TRAF3: variants seen among roughly 807,000 people sequenced by gnomAD.
TRAF3 encodes the protein TNF receptor associated factor 3.
TRAF3 carries 13 observed loss-of-function variants against 62.3 expected under a neutral mutation model. The ratio of observed to expected loss-of-function variants is 0.21; its 90% CI spans 0.14 to 0.33. TRAF3 has a LOEUF of 0.33. TRAF3 is among the 10% of genes least tolerant of loss of function. The probability of loss-of-function intolerance (pLI) is 1.00; values close to 1 mark genes in which losing one functional copy is unlikely to be tolerated. For missense variants in TRAF3, 440 were observed against 741.8 expected (o/e 0.59, Z 4.73); for synonymous variants, 269 against 283.4 (o/e 0.95, Z 0.51).
intron 1 of TRAF3, among the ~76,000 whole-genome samples, chr14:102,824,664 A>G (rs1345765693): frequency 6.6e-6 from 1 of 152,242 alleles, no homozygotes; most frequent in Non-Finnish European, 1.5e-5. Context: ...GGATGTTTCC[A>G]TAGTTTGCAT....
At chr14:102,895,156 A>G (rs899214188) in intron 9 of TRAF3, 17 of 455,200 alleles carry the variant, frequency 3.7e-5, no homozygotes, top group Non-Finnish European at 1.3e-5. Flanking sequence ...GAGGGACACA[A>G]CTACCACGCG....
At chr14:102,796,626 A>C (rs1482156909) in intron 1 of TRAF3, among the ~76,000 whole-genome samples, 2 of 152,200 alleles carry the variant, frequency 1.3e-5, no homozygotes, top group Non-Finnish European at 2.9e-5. Context: ...TTGTGAGAGC[A>C]GGGGAAAAAC....
At chr14:102,816,827 A>G (rs1899556483) in intron 1 of TRAF3, among the ~76,000 whole-genome samples, 1 of 152,166 alleles carries the variant, frequency 6.6e-6, no homozygotes, top group Non-Finnish European at 1.5e-5. Context: ...CGCTGCCAGG[A>G]AAGAGCTCAT....
chr14:102,888,961 G>A (rs1167939389), intron 7 of TRAF3, among the ~76,000 whole-genome samples: 1 of 152,158 alleles, frequency 6.6e-6, no homozygotes, highest in African/African-American at 2.4e-5. Context: ...AATTAGAGTT[G>A]ACAGTAGTAA....
intron 4 of TRAF3, among the ~76,000 whole-genome samples, chr14:102,873,416 G>A (rs958099878): frequency 3.9e-5 from 6 of 152,236 alleles, no homozygotes; most frequent in African/African-American, 7.2e-5. Flanking sequence ...TGTGCCTAAC[G>A]TGTGAGTGAG....
rs1890579432 is a variant in TRAF3 at position 102,906,228 on chromosome 14, C to T, written c.*444C>T. Reference sequence around the variant, plus strand: ...AATAGTAATGCAATTCTGATATCTTCTTTCTAAAATTCAAGAGTGCAATTT... The same window carrying T: ...AATAGTAATGCAATTCTGATATCTTTTTTCTAAAATTCAAGAGTGCAATTT... On this transcript the variant is annotated 3_prime_UTR_variant, in exon 12 of 12. Coordinates refer to ENST00000392745, the MANE Select transcript of TRAF3 (RefSeq NM_145725.3). 6.1e-6 allele frequency: 1 copy of T among 162,646 alleles called. No individual in the cohort carries two copies. Among genetic ancestry groups the T allele is most frequent in the Admixed American group, 5.7e-5 (1 of 17,474 alleles). The allele number at this position is 162,646 out of a possible 1,614,324, so 10.1% of individuals were successfully genotyped here.
At chr14:102,891,254 C>G in intron 8 of TRAF3, 71 bp from the exon 9 acceptor site, 1 of 1,384,726 alleles carries the variant, frequency 7.2e-7, no homozygotes, top group South Asian at 1.2e-5. Context: ...CTTTTAGGGT[C>G]GTATGTTAGC....
chr14:102,867,069 T>C (rs1048024105), intron 2 of TRAF3, among the ~76,000 whole-genome samples: 4 of 152,176 alleles, frequency 2.6e-5, no homozygotes, highest in African/African-American at 9.7e-5. Context: ...GAGTGTGGTT[T>C]CATAGAAATT....
chr14:102,847,881 T>G (rs35999142), intron 2 of TRAF3, among the ~76,000 whole-genome samples: 3,812 of 152,342 alleles, frequency 0.025, 60 homozygotes, highest in Non-Finnish European at 0.037. Context: ...TTTTCATTTT[T>G]TTTCAAACCA....
chr14:102,857,516 T>C (rs878989055), intron 2 of TRAF3, among the ~76,000 whole-genome samples: 2 of 152,220 alleles, frequency 1.3e-5, no homozygotes, highest in Admixed American at 1.3e-4. Flanking sequence ...ATAAGACTTT[T>C]TGTTAAAGCC....
intron 2 of TRAF3, among the ~76,000 whole-genome samples, chr14:102,837,533 T>C (rs1169565019): frequency 6.6e-6 from 1 of 152,174 alleles, no homozygotes; most frequent in South Asian, 2.1e-4. Context: ...ACTAGCCTTA[T>C]TTGGTTCAGC....
intron 1 of TRAF3, among the ~76,000 whole-genome samples, chr14:102,811,750 TGTGTGTG>T (rs1899173932): frequency 6.7e-6 from 1 of 149,344 alleles, no homozygotes; most frequent in African/African-American, 2.5e-5. Context: ...TGTGTGTGTG[TGTGTGTG>T]TGTGTTTGTA....
At chr14:102,842,117 G>A (rs1318339272) in intron 2 of TRAF3, among the ~76,000 whole-genome samples, 1 of 151,582 alleles carries the variant, frequency 6.6e-6, no homozygotes, top group African/African-American at 2.4e-5. Flanking sequence ...TGGTGCAGGC[G>A]CCTGTAATCC....
intron 7 of TRAF3, among the ~76,000 whole-genome samples, chr14:102,888,569 T>G (rs1378670393): frequency 1.3e-5 from 2 of 152,180 alleles, no homozygotes; most frequent in African/African-American, 4.8e-5. Context: ...TCTATGAGCC[T>G]TGGGAACACA....
intron 1 of TRAF3, among the ~76,000 whole-genome samples, chr14:102,828,193 G>A (rs569828001): frequency 3.5e-4 from 54 of 152,334 alleles, no homozygotes; most frequent in African/African-American, 1.1e-3. Flanking sequence ...AAAAATCTTC[G>A]TGATTGGAAA....
At chr14:102,811,601 T>A (rs1899155007) in intron 1 of TRAF3, among the ~76,000 whole-genome samples, 1 of 131,666 alleles carries the variant, frequency 7.6e-6, no homozygotes, top group Admixed American at 8.9e-5. Flanking sequence ...TGTGCAGAGG[T>A]CAGATCTCTT....
At chr14:102,852,490 TG>T (rs1257832206) in intron 2 of TRAF3, among the ~76,000 whole-genome samples, 1 of 152,182 alleles carries the variant, frequency 6.6e-6, no homozygotes, top group East Asian at 1.9e-4. Flanking sequence ...GTTGTCCTCT[TG>T]GCCACTTATT....
intron 1 of TRAF3, among the ~76,000 whole-genome samples, chr14:102,806,871 G>A (rs930865304): frequency 6.6e-6 from 1 of 152,120 alleles, no homozygotes; most frequent in Non-Finnish European, 1.5e-5. Flanking sequence ...GCATGACTGG[G>A]GCCACTGGGT....
intron 1 of TRAF3, among the ~76,000 whole-genome samples, chr14:102,806,593 G>T (rs1344403209): frequency 7.2e-5 from 11 of 152,146 alleles, no homozygotes; most frequent in Admixed American, 7.2e-4. Context: ...TGAGTCCTTG[G>T]TATGTGCCGG....
Sources: allele counts gnomAD v4.1 joint callset (sites outside exome capture counted in the v4.1 genomes callset), GRCh38; gene constraint gnomAD v4.1.1; transcripts MANE v1.5; gene names NCBI Gene and HGNC (gene_info 2026-07-23, HGNC 2026-07-21).